The following TIAM1 variants were observed in gnomAD, a reference collection of about 807,000 sequenced individuals.
TIAM1 encodes rho guanine nucleotide exchange factor TIAM1.
Under a neutral mutation model 163.5 loss-of-function variants are expected in TIAM1, and 65 were observed. That is an observed-to-expected ratio of 0.40 (90% CI 0.33 to 0.49). TIAM1 has a LOEUF of 0.49. Ranked by LOEUF, TIAM1 falls within the 20% of genes least tolerant of loss-of-function variation. The probability of loss-of-function intolerance (pLI) is 0.77; values close to 1 mark genes in which losing one functional copy is unlikely to be tolerated. For missense variants in TIAM1, 1,789 were observed against 2,044.7 expected, an observed-to-expected ratio of 0.87 and a Z score of 2.41; for synonymous variants, 833 against 810.1, an observed-to-expected ratio of 1.03 and a Z score of -0.48.
At chr21:31,229,738 C>T (rs1179360306) in intron 6 of TIAM1, among the ~76,000 whole-genome samples, 3 of 151,974 alleles carry the variant, frequency 2.0e-5, no homozygotes, top group African/African-American at 7.2e-5. Context: ...CTGCAACCTC[C>T]GCCTCCCAAG....
chr21:31,531,953 T>C (rs1004853485), intron 1 of TIAM1, among the ~76,000 whole-genome samples: 3 of 151,804 alleles, frequency 2.0e-5, no homozygotes, highest in African/African-American at 4.8e-5. Context: ...CCCATCTCTA[T>C]GAAAAATTAA....
rs925175221 is a variant in TIAM1 at position 31,267,977 on chromosome 21, G to C, written c.-11-994C>G. ...CGATGACACAATTCTGTTACCCACA[G>C]TGGGAAAGAGAAAAATCTTCAAAGC... On this transcript the variant is annotated intron_variant, in intron 3 of 27. Transcript: ENST00000541036. 2.6e-5 allele frequency among the ~76,000 whole-genome samples: 4 copies of C among 152,300 alleles called. No individual in the cohort carries two copies. The South Asian group carries it at 8.3e-4, about 32-fold the overall frequency.
chr21:31,120,281 G>T lies in TIAM1; in HGVS notation c.*87C>A. The T allele has an allele frequency of 1.5e-6, 2 of 1,355,952 alleles. No individual in the cohort carries two copies. The highest frequency in any genetic ancestry group is 3.0e-5 in the South Asian group (2 of 67,662). 84.0% of individuals were successfully genotyped at this position (1,355,952 alleles called of 1,614,324 possible). On this transcript the variant is annotated 3_prime_UTR_variant, in exon 28 of 28. Transcript: ENST00000541036. The surrounding 1 kb of genome is among the most constrained non-coding windows in gnomAD (Gnocchi z 4.2). ...CGTGTGTGCAAGAGCGCGACCTAAGGGGACATTCTTGTCGACGGTACAGGA... is the reference window on the plus strand; with the variant it reads ...CGTGTGTGCAAGAGCGCGACCTAAGTGGACATTCTTGTCGACGGTACAGGA...
chr21:31,335,866 A>T (rs2257060), intron 2 of TIAM1, among the ~76,000 whole-genome samples: 16,655 of 152,118 alleles, frequency 0.11, 1,288 homozygotes, highest in East Asian at 0.44. Flanking sequence ...ACACAGTTCA[A>T]CTCCAGGGTC....
intron 1 of TIAM1, among the ~76,000 whole-genome samples, chr21:31,512,312 C>G (rs535548628): frequency 5.3e-5 from 8 of 152,172 alleles, no homozygotes; most frequent in African/African-American, 1.9e-4. Flanking sequence ...GTTGCCCAGG[C>G]TGGTCTCAAA....
At chr21:31,222,626 GGTGTATGT>G (rs1010218529) in intron 8 of TIAM1, among the ~76,000 whole-genome samples, 3 of 135,052 alleles carry the variant, frequency 2.2e-5, no homozygotes, top group Non-Finnish European at 4.6e-5. Context: ...TTCCATATAT[GGTGTATGT>G]GTGTATGTAT....
At chr21:31,218,098 C>A (rs531821798) in intron 8 of TIAM1, among the ~76,000 whole-genome samples, 1 of 152,114 alleles carries the variant, frequency 6.6e-6, no homozygotes, top group East Asian at 1.9e-4. Flanking sequence ...GGTGCTAAAG[C>A]GTCAGCAACA....
chr21:31,127,046 T>A lies in TIAM1; in HGVS notation c.4133+19A>T. On this transcript the variant is annotated intron_variant, in intron 26 of 27. Transcript: ENST00000541036. The stretch of plus-strand genomic sequence containing the variant: ...GCAGAAATGTCAACACGGCCTCGAC[T>A]TTACAGGCCCAGGCTCACCTGCAGC... 6.2e-7 allele frequency: 1 copy of A among 1,613,288 alleles called. No homozygotes were observed. Among genetic ancestry groups the A allele is most frequent in the Non-Finnish European group, 8.5e-7 (1 of 1,179,318 alleles).
At chr21:31,515,208 C>G (rs11702599) in intron 1 of TIAM1, among the ~76,000 whole-genome samples, 1 of 152,278 alleles carries the variant, frequency 6.6e-6, no homozygotes, top group Middle Eastern at 3.4e-3. Context: ...CCACGCAGCC[C>G]TCATGTGCCT....
At chr21:31,353,365 G>T (rs1448646092) in intron 2 of TIAM1, among the ~76,000 whole-genome samples, 2 of 152,202 alleles carry the variant, frequency 1.3e-5, no homozygotes, top group Non-Finnish European at 2.9e-5. Context: ...AGAATTGCGG[G>T]TCAGCCAGGA....
chr21:31,238,097 G>T (rs1469799430), intron 6 of TIAM1, among the ~76,000 whole-genome samples: 1 of 152,102 alleles, frequency 6.6e-6, no homozygotes. Flanking sequence ...TGAATCTGTG[G>T]GTATTTGAGT....
At chr21:31,451,772 AG>A (rs2044867119) in intron 2 of TIAM1, among the ~76,000 whole-genome samples, 12 of 151,518 alleles carry the variant, frequency 7.9e-5, no homozygotes, top group African/African-American at 2.4e-4. Flanking sequence ...AGACACAGAG[AG>A]AGAGAGAGAG....
rs189308349 is a variant in TIAM1 at position 31,119,513 on chromosome 21, G to A, written c.*855C>T. On this transcript the variant is annotated 3_prime_UTR_variant, in exon 28 of 28. Transcript: ENST00000541036. ...TTTTTGGAAGAAAAGTATATCCTTC[G>A]CATGAGCTTGCTGGCCTTTCATATA... The A allele has an allele frequency of 3.3e-3, 501 of 151,184 alleles. 5 individuals carry two copies. The highest frequency in any genetic ancestry group is 0.012 in the African/African-American group (480 of 41,004). 9.4% of individuals were successfully genotyped at this position (151,184 alleles called of 1,614,324 possible). A position where few individuals can be genotyped will look rare whatever the true frequency, so the allele number is the denominator to read the frequency against.
rs907405756 is a variant in TIAM1, at chr21:31,240,470, T to C, written c.1584+5018A>G. Among the ~76,000 whole-genome samples the C allele has an allele frequency of 2.6e-5, 4 of 152,276 alleles. No homozygotes were observed. In the East Asian group the frequency reaches 7.7e-4, roughly 29 times the overall value. The stretch of plus-strand genomic sequence containing the variant: ...TATACAATCACATGAAAACCAGCTG[T>C]GTAGCACCACAGGAGGGAACAACCT... On this transcript the variant is annotated intron_variant, in intron 6 of 27. Coordinates refer to ENST00000541036, the MANE Select transcript of TIAM1 (RefSeq NM_001353694.2).
chr21:31,410,507 GTGTA>G (rs1043020027), intron 2 of TIAM1, among the ~76,000 whole-genome samples: 2 of 8,862 alleles, frequency 2.3e-4, no homozygotes, highest in African/African-American at 1.3e-3. Context: ...TAGTGTGTAT[GTGTA>G]TGTGAGAGTG....
chr21:31,286,854 C>T (rs962491176), intron 2 of TIAM1, among the ~76,000 whole-genome samples: 3 of 152,092 alleles, frequency 2.0e-5, no homozygotes, highest in African/African-American at 7.2e-5. Flanking sequence ...GACAGAGTGA[C>T]GTAACCATGG....
Position 31,483,184 on chromosome 21 carries a change from C to T in TIAM1, c.-421-19149G>A, listed in dbSNP as rs1425768761. On this transcript the variant is annotated intron_variant, in intron 1 of 28. Transcript: ENST00000286827. ...ATAAACATAAGCAAACATAAGTAGG[C>T]CAAAACTAACAGGACTTGCAGCAAA... Among the ~76,000 whole-genome samples the T allele has an allele frequency of 2.6e-5, 4 of 152,126 alleles. No homozygotes were observed. In the East Asian group the frequency reaches 7.7e-4, roughly 29 times the overall value.
At chr21:31,410,424 G>A (rs772965618) in intron 2 of TIAM1, among the ~76,000 whole-genome samples, 5 of 151,870 alleles carry the variant, frequency 3.3e-5, no homozygotes, top group African/African-American at 9.7e-5. Flanking sequence ...ATGTGAGTGC[G>A]TAAGTGTATG....
intron 1 of TIAM1, among the ~76,000 whole-genome samples, chr21:31,500,966 A>G (rs184355181): frequency 1.3e-5 from 2 of 152,340 alleles, no homozygotes; most frequent in East Asian, 3.9e-4. Flanking sequence ...CTTGCCTGAG[A>G]AAACAGGACA....
Sources: allele counts gnomAD v4.1 joint callset (sites outside exome capture counted in the v4.1 genomes callset), GRCh38; gene constraint gnomAD v4.1.1; non-coding constraint Gnocchi (gnomAD v3.1); transcripts MANE v1.5; gene names NCBI Gene and HGNC (gene_info 2026-07-23, HGNC 2026-07-21).